IFRD1: variants seen among roughly 807,000 people sequenced by gnomAD.
IFRD1 encodes interferon related developmental regulator 1.
IFRD1 carries 35 observed loss-of-function variants against 52.9 expected under a neutral mutation model. That is an observed-to-expected ratio of 0.66 (90% CI 0.51 to 0.88). The LOEUF is 0.88. Among genes scored for constraint, IFRD1 ranks in the 40% least tolerant of loss-of-function variants. IFRD1 has a pLI of 0.00. For missense variants in IFRD1, 517 were observed against 550.8 expected (o/e 0.94, Z 0.61); for synonymous variants, 184 against 188.4 (o/e 0.98, Z 0.19).
intron 10 of IFRD1, 29 bp downstream of exon 10, chr7:112,472,376 T>A: frequency 6.2e-7 from 1 of 1,613,508 alleles, no homozygotes; most frequent in Non-Finnish European, 8.5e-7. Flanking sequence ...ACATATTTGC[T>A]TTTAAAGTAG....
upstream of IFRD1, chr7:112,446,204 C>A: frequency 1.1e-5 from 2 of 183,144 alleles, no homozygotes; most frequent in South Asian, 2.3e-4. Flanking sequence ...AGACATTTGT[C>A]ACAATAATGT....
At chr7:112,460,057 A>G (rs1376084943) in intron 5 of IFRD1, among the ~76,000 whole-genome samples, 2 of 152,218 alleles carry the variant, frequency 1.3e-5, no homozygotes, top group Non-Finnish European at 2.9e-5. Flanking sequence ...ATTTCATGCT[A>G]GAATGACAGA....
chr7:112,460,368 C>T (rs1795406487), intron 5 of IFRD1, among the ~76,000 whole-genome samples: 1 of 151,354 alleles, frequency 6.6e-6, no homozygotes, highest in South Asian at 2.1e-4. Context: ...CCTCAGCCTC[C>T]TGAGTAGCTG....
chr7:112,466,280 A>G (rs1795606747), intron 8 of IFRD1, among the ~76,000 whole-genome samples: 1 of 152,028 alleles, frequency 6.6e-6, no homozygotes, highest in Admixed American at 6.6e-5. Flanking sequence ...CCAAGTATAT[A>G]GAGTCTTTTT....
At chr7:112,474,298 T>C (rs900882949) in intron 11 of IFRD1, among the ~76,000 whole-genome samples, 1 of 152,148 alleles carries the variant, frequency 6.6e-6, no homozygotes, top group African/African-American at 2.4e-5. Context: ...GATGATAGTT[T>C]TACATTTAAC....
rs1794814653 is a variant in IFRD1, at chr7:112,439,467, A to T, written c.-181-11041A>T. 2.6e-5 allele frequency among the ~76,000 whole-genome samples: 4 copies of T among 152,316 alleles called. No homozygotes were observed. The South Asian group carries it at 6.2e-4, about 24-fold the overall frequency. ...CCAAGCCACAGAAATCTCAAGTTTA[A>T]TTTTTTTAAAATATTAAAAGCATTT... On this transcript the variant is annotated intron_variant, in intron 1 of 12. Transcript: ENST00000005558.
At chr7:112,425,802 A>G (rs1460407730) in intron 1 of IFRD1, among the ~76,000 whole-genome samples, 1 of 152,144 alleles carries the variant, frequency 6.6e-6, no homozygotes, top group African/African-American at 2.4e-5. Flanking sequence ...TTCAAGAAAA[A>G]CAAAACAAAC....
Position 112,458,988 on chromosome 7 carries a change from T to TG in IFRD1, c.540dup (p.Ser181ValfsTer3). 1 of 1,613,986 alleles carries TG rather than the reference T, an allele frequency of 6.2e-7. No individual in the cohort carries two copies. The highest frequency in any genetic ancestry group is 8.5e-7 in the Non-Finnish European group (1 of 1,179,900). ...CAATCCTAAAGAAAATCATTTGTGATGGGTCAGCTAGTATGCAGGCTAGGC... is the reference window on the plus strand; with the variant it reads ...CAATCCTAAAGAAAATCATTTGTGATGGGGTCAGCTAGTATGCAGGCTAGGC... On this transcript the variant is annotated frameshift_variant, in exon 5 of 12. Coordinates refer to ENST00000403825, the MANE Select transcript of IFRD1 (RefSeq NM_001550.4). LOFTEE classifies it high-confidence loss of function.
intron 1 of IFRD1, among the ~76,000 whole-genome samples, chr7:112,444,998 C>A (rs1039862046): frequency 6.6e-6 from 1 of 151,620 alleles, no homozygotes; most frequent in Admixed American, 6.6e-5. Flanking sequence ...GGAACAAGCA[C>A]TCAGGTTCCC....
At chr7:112,456,874 C>G in intron 3 of IFRD1, 40 bp from the exon 4 acceptor site, 1 of 1,602,268 alleles carries the variant, frequency 6.2e-7, no homozygotes, top group Non-Finnish European at 8.6e-7. Context: ...ATTGTATACT[C>G]CAACTGGATC....
chr7:112,462,025 T>G lies in IFRD1; in HGVS notation c.643T>G (p.Leu215Val), dbSNP rs993250933. ...ITELYSTLECLENIFTKSYLK... is the reference protein window; with the variant it reads ...ITELYSTLECVENIFTKSYLK... ...GGAACTATACTCAACTCTGGAATGT[T>G]TGGAAAATATCTTCACTAAATCCTA... The change falls in exon 7 of 12, where the codon TTG becomes GTG. Residue 215 changes from leucine to valine, a missense_variant. Transcript: ENST00000403825. 1.4e-5 allele frequency: 22 copies of G among 1,613,196 alleles called. No individual in the cohort carries two copies. Among genetic ancestry groups the G allele is most frequent in the Non-Finnish European group, 1.8e-5 (21 of 1,179,382 alleles).
Position 112,450,570 on chromosome 7 carries a change from G to A in IFRD1, c.-119G>A. The A allele has an allele frequency of 1.3e-6, 1 of 775,188 alleles. No individual in the cohort carries two copies. The highest frequency in any genetic ancestry group is 2.0e-5 in the Admixed American group (1 of 51,074). 48.0% of individuals were successfully genotyped at this position (775,188 alleles called of 1,614,324 possible). A position where few individuals can be genotyped will look rare whatever the true frequency, so the allele number is the denominator to read the frequency against. ...CTTACCCCCGCCGCTTCTCGACTCT[G>A]TTGTTAGCCGAAGACTCGCCTCTCA... is the stretch of plus-strand genomic sequence containing the variant. On this transcript the variant is annotated 5_prime_UTR_variant, in exon 1 of 12. Coordinates refer to ENST00000403825, the MANE Select transcript of IFRD1 (RefSeq NM_001550.4).
Position 112,469,705 on chromosome 7 carries a change from T to C in IFRD1, c.1041+1590T>C, listed in dbSNP as rs895222120. ...ACTGGCCCTCAAACCGGGCCAGCCA[T>C]AGCACTCAGTACTGATTATTCAGAG... On this transcript the variant is annotated intron_variant, in intron 9 of 11. Coordinates refer to ENST00000403825, the MANE Select transcript of IFRD1 (RefSeq NM_001550.4). 2.0e-5 allele frequency among the ~76,000 whole-genome samples: 3 copies of C among 152,312 alleles called. No individual in the cohort carries two copies. The East Asian group carries it at 5.8e-4, about 29-fold the overall frequency.
rs1349480227 is a variant in IFRD1, at chr7:112,476,400, G to A, written c.*881G>A. ...CTTGGCAACATGCAGTGTGGCTCATGCCTATAATCAGCACTCTGGGGAGGC... is the reference window on the plus strand; with the variant it reads ...CTTGGCAACATGCAGTGTGGCTCATACCTATAATCAGCACTCTGGGGAGGC... On this transcript the variant is annotated 3_prime_UTR_variant, in exon 12 of 12. Transcript: ENST00000403825. 2 of 152,220 alleles carry A rather than the reference G, an allele frequency of 1.3e-5. No homozygotes were observed. Among genetic ancestry groups the A allele is most frequent in the African/African-American group, 4.8e-5 (2 of 41,456 alleles). The allele number at this position is 152,220 out of a possible 1,614,324, so 9.4% of individuals were successfully genotyped here.
chr7:112,472,618 A>G, intron 10 of IFRD1, 148 bp from the exon 11 acceptor site: 1 of 730,266 alleles, frequency 1.4e-6, no homozygotes, highest in Non-Finnish European at 2.4e-6. Context: ...ATTGAAAACA[A>G]TTTGCTTTCT....
At chr7:112,440,480 T>C (rs1033317140) in intron 1 of IFRD1, among the ~76,000 whole-genome samples, 14 of 152,332 alleles carry the variant, frequency 9.2e-5, no homozygotes, top group Middle Eastern at 3.4e-3. Context: ...CCTGGTACGG[T>C]CAATTCAGTT....
chr7:112,439,947 G>A (rs1211917803), intron 1 of IFRD1, among the ~76,000 whole-genome samples: 1 of 152,116 alleles, frequency 6.6e-6, no homozygotes, highest in East Asian at 1.9e-4. Flanking sequence ...TGGATCTGCG[G>A]CAGGAAATCA....
intron 1 of IFRD1, among the ~76,000 whole-genome samples, chr7:112,429,788 C>A (rs980962281): frequency 6.6e-6 from 1 of 152,194 alleles, no homozygotes; most frequent in Non-Finnish European, 1.5e-5. Context: ...AAAGAATATA[C>A]TCTGCAACCT....
intron 1 of IFRD1, among the ~76,000 whole-genome samples, chr7:112,432,356 C>G (rs189886579): frequency 5.6e-4 from 86 of 152,236 alleles, no homozygotes; most frequent in African/African-American, 2.0e-3. Context: ...CAGTGAACAC[C>G]ACAGACAAGA....
Sources: gnomAD v4.1 joint callset for allele counts (sites outside exome capture counted in the v4.1 genomes callset) on GRCh38, gnomAD v4.1.1 for gene constraint, MANE v1.5 for transcripts, NCBI Gene and HGNC (gene_info 2026-07-23, HGNC 2026-07-21) for gene names.